The following LTBP1 variants were observed in gnomAD, a reference collection of about 807,000 sequenced individuals.
LTBP1 encodes latent-transforming growth factor beta-binding protein 1.
LTBP1 carries 129 observed loss-of-function variants against 207.6 expected under a neutral mutation model. The ratio of observed to expected loss-of-function variants is 0.62; its 90% CI spans 0.54 to 0.72. LTBP1 has a LOEUF of 0.72. Among genes scored for constraint, LTBP1 ranks in the 30% least tolerant of loss-of-function variants. The pLI is 0.00. For missense variants in LTBP1, 2,281 were observed against 2,217.2 expected, an observed-to-expected ratio of 1.03 and a Z score of -0.58; for synonymous variants, 963 against 833.7, an observed-to-expected ratio of 1.16 and a Z score of -2.67.
At chr2:33,319,095 G>A (rs773754301) in intron 24 of LTBP1, among the ~76,000 whole-genome samples, 2 of 152,030 alleles carry the variant, frequency 1.3e-5, no homozygotes, top group Non-Finnish European at 2.9e-5. Flanking sequence ...ACCAGACCCT[G>A]TCTCTTAAAA....
intron 3 of LTBP1, among the ~76,000 whole-genome samples, chr2:33,108,416 G>A (rs1367803918): frequency 6.6e-6 from 1 of 151,974 alleles, no homozygotes; most frequent in Non-Finnish European, 1.5e-5. Flanking sequence ...GATGGCTGAG[G>A]GCTGTTAACT....
intron 2 of LTBP1, among the ~76,000 whole-genome samples, chr2:33,018,291 T>C (rs1327425750): frequency 3.9e-5 from 6 of 152,074 alleles, no homozygotes; most frequent in Non-Finnish European, 4.4e-5. Flanking sequence ...TGGTGGTACA[T>C]TGGAGGATGT....
At chr2:33,336,188 A>G (rs2094551799) in intron 24 of LTBP1, among the ~76,000 whole-genome samples, 1 of 152,210 alleles carries the variant, frequency 6.6e-6, no homozygotes, top group African/African-American at 2.4e-5. Context: ...GTGATGAGTC[A>G]AAGAGTAACA....
chr2:32,949,671 A>G (rs1382500042), intron 2 of LTBP1, among the ~76,000 whole-genome samples: 1 of 152,204 alleles, frequency 6.6e-6, no homozygotes, highest in Non-Finnish European at 1.5e-5. Context: ...CATTGGACAT[A>G]AAGGAGCCTT....
chr2:32,956,297 T>C (rs1358416093), intron 2 of LTBP1, among the ~76,000 whole-genome samples: 2 of 152,242 alleles, frequency 1.3e-5, no homozygotes, highest in Non-Finnish European at 2.9e-5. Context: ...TTTGACCTAC[T>C]GTATAACTTC....
At chr2:33,355,442 T>A (rs2094846296) in intron 26 of LTBP1, among the ~76,000 whole-genome samples, 1 of 152,206 alleles carries the variant, frequency 6.6e-6, no homozygotes, top group Non-Finnish European at 1.5e-5. Flanking sequence ...TCATAATACA[T>A]AATACTATAT....
chr2:33,202,615 A>T (rs547722492), intron 7 of LTBP1, among the ~76,000 whole-genome samples: 1 of 152,394 alleles, frequency 6.6e-6, no homozygotes, highest in South Asian at 2.1e-4. Context: ...CCCTAAACTG[A>T]GTCCATAAAC....
rs535446527 is a variant in LTBP1, at chr2:33,122,846, A to G, written c.1034-11947A>G. On this transcript the variant is annotated intron_variant, in intron 4 of 33. Transcript: ENST00000404816. Reference sequence around the variant, plus strand: ...CGTTCTGGGTTCTCTTGAGACGTCTATCTCCTTCTTGCTGTACACAACCGC... The same window carrying G: ...CGTTCTGGGTTCTCTTGAGACGTCTGTCTCCTTCTTGCTGTACACAACCGC... Among the ~76,000 whole-genome samples, 42 of 152,246 alleles carry G rather than the reference A, an allele frequency of 2.8e-4. 1 individual carries two copies. Among genetic ancestry groups the G allele is most frequent in the Admixed American group, 2.1e-3 (32 of 15,294 alleles).
At chr2:33,040,572 A>G (rs980919746) in intron 3 of LTBP1, among the ~76,000 whole-genome samples, 1 of 152,118 alleles carries the variant, frequency 6.6e-6, no homozygotes, top group Non-Finnish European at 1.5e-5. Context: ...CCTCAACCAC[A>G]TATGTCACTG....
chr2:33,046,317 G>T lies in LTBP1; in HGVS notation c.863+25111G>T, dbSNP rs1285595489. On this transcript the variant is annotated intron_variant, in intron 3 of 33. Coordinates refer to ENST00000404816, the MANE Select transcript of LTBP1 (RefSeq NM_206943.4). ...ATACTTAGTTTATTGAGAGTTTTTA[G>T]CATGAAGAGGTGTTGAATTTTGTGG... Among the ~76,000 whole-genome samples the T allele has an allele frequency of 2.6e-5, 4 of 152,142 alleles. No homozygotes were observed. The South Asian group carries it at 8.3e-4, about 31-fold the overall frequency.
intron 27 of LTBP1, 34 bp downstream of exon 27, chr2:33,360,813 T>G (rs758255968): frequency 6.2e-7 from 1 of 1,600,390 alleles, no homozygotes; most frequent in Non-Finnish European, 8.6e-7. Context: ...GTCACACTTG[T>G]GTTTGGTCAC....
intron 3 of LTBP1, among the ~76,000 whole-genome samples, chr2:33,103,584 T>C (rs2079874278): frequency 7.3e-6 from 1 of 136,096 alleles, no homozygotes; most frequent in South Asian, 2.7e-4. Flanking sequence ...TGTCTCCGTT[T>C]ACGTGTGTGT....
rs534685726 is a variant in LTBP1 at position 33,263,207 on chromosome 2, G to T, written c.2519-87G>T. 4.9e-5 allele frequency: 39 copies of T among 803,082 alleles called. No homozygotes were observed. The East Asian group carries it at 8.5e-4, about 18-fold the overall frequency. 49.7% of individuals were successfully genotyped at this position (803,082 alleles called of 1,614,324 possible). A position where few individuals can be genotyped will look rare whatever the true frequency, so the allele number is the denominator to read the frequency against. On this transcript the variant is annotated intron_variant, in intron 14 of 33. Transcript: ENST00000404816. The stretch of plus-strand genomic sequence containing the variant: ...TGACAAATGCTGTGATATATTGCTA[G>T]ACTAAATTATGCTTGCATTTTGAAA...
At position 33,389,119 on chromosome 2, in the gene LTBP1, G is replaced by T. The variant is rs527529815; in HGVS notation, c.4712-65G>T. The T allele has an allele frequency of 2.9e-5, 47 of 1,606,954 alleles. No individual in the cohort carries two copies. The East Asian group carries it at 9.8e-4, about 34-fold the overall frequency. ...TGGCAGATTCCCGTTGCTCTGAGCTGCGAGGGGGTGGGGCAGGTGCGAGCT... is the reference window on the plus strand; with the variant it reads ...TGGCAGATTCCCGTTGCTCTGAGCTTCGAGGGGGTGGGGCAGGTGCGAGCT... On this transcript the variant is annotated intron_variant, in intron 31 of 33. Coordinates refer to ENST00000404816, the MANE Select transcript of LTBP1 (RefSeq NM_206943.4).
intron 2 of LTBP1, among the ~76,000 whole-genome samples, chr2:32,979,252 T>A (rs764788039): frequency 2.0e-5 from 3 of 151,946 alleles, no homozygotes; most frequent in Non-Finnish European, 4.4e-5. Flanking sequence ...GGGTTTAGTT[T>A]GCTCTTGCTT....
At chr2:32,973,380 T>C (rs1280513490) in intron 2 of LTBP1, among the ~76,000 whole-genome samples, 2 of 152,248 alleles carry the variant, frequency 1.3e-5, no homozygotes, top group Non-Finnish European at 2.9e-5. Context: ...TTAAACCCTT[T>C]ACCAGTATGT....
At chr2:33,279,040 A>G (rs2093503532) in intron 18 of LTBP1, among the ~76,000 whole-genome samples, 1 of 152,148 alleles carries the variant, frequency 6.6e-6, no homozygotes, top group Non-Finnish European at 1.5e-5. Context: ...GACCCATTAT[A>G]TATTTCTTTC....
intron 8 of LTBP1, among the ~76,000 whole-genome samples, chr2:33,221,367 C>T (rs2091088486): frequency 6.6e-6 from 1 of 152,230 alleles, no homozygotes; most frequent in Non-Finnish European, 1.5e-5. Context: ...ACTTCTGCCA[C>T]ATCCCAGAAC....
At chr2:33,149,233 A>AAC (rs2083311358) in intron 5 of LTBP1, among the ~76,000 whole-genome samples, 2 of 122,184 alleles carry the variant, frequency 1.6e-5, no homozygotes, top group Non-Finnish European at 3.7e-5. Flanking sequence ...AAAAACAAAA[A>AAC]AAAAAAAAAA....
Sources: allele counts gnomAD v4.1 joint callset (sites outside exome capture counted in the v4.1 genomes callset), GRCh38; gene constraint gnomAD v4.1.1; transcripts MANE v1.5; gene names NCBI Gene and HGNC (gene_info 2026-07-23, HGNC 2026-07-21).